Variants in FREM3 observed in about 807,000 individuals in gnomAD.
FREM3 encodes the protein FRAS1-related extracellular matrix protein 3.
In FREM3, 105 loss-of-function variants were observed where a neutral mutation model predicts 129.1. That is an observed-to-expected ratio of 0.81 (90% confidence interval 0.69 to 0.96). The LOEUF (loss-of-function observed/expected upper bound fraction) is 0.96, where lower values mean the gene tolerates loss of function less well. Ranked by LOEUF, FREM3 falls within the 40% of genes least tolerant of loss-of-function variation. The pLI, the probability that FREM3 is intolerant of heterozygous loss-of-function variation, is 0.00. For missense variants in FREM3, 2,593 were observed against 2,666.3 expected, an observed-to-expected ratio of 0.97 and a Z score of 0.61; for synonymous variants, 1,014 against 1,044.9, an observed-to-expected ratio of 0.97 and a Z score of 0.57.
At chr4:143,673,551 G>T (rs904966364) in intron 2 of FREM3, among the ~76,000 whole-genome samples, 1 of 152,230 alleles carries the variant, frequency 6.6e-6, no homozygotes, top group Non-Finnish European at 1.5e-5. Flanking sequence ...GGACCCACTT[G>T]AGGAGGCAGT....
intron 2 of FREM3, among the ~76,000 whole-genome samples, chr4:143,655,957 C>T (rs932389562): frequency 2.6e-5 from 4 of 152,164 alleles, no homozygotes; most frequent in African/African-American, 9.7e-5. Flanking sequence ...CTCCCTAGCT[C>T]ATAGGCATAA....
At position 143,596,634 on chromosome 4, in the gene FREM3, T is replaced by G. The variant is rs560649405; in HGVS notation, c.6029-10641A>C. Among the ~76,000 whole-genome samples, 136 of 152,290 alleles carry G rather than the reference T, an allele frequency of 8.9e-4. 2 individuals are homozygous for G. The highest frequency in any genetic ancestry group is 3.1e-3 in the African/African-American group (129 of 41,564). ...TATTTTGGAAAAACCCTTTCATGCA[T>G]GAATCTAGAGTTCAAAATCAAGCCT... On this transcript the variant is annotated intron_variant, in intron 6 of 7. Transcript: ENST00000329798.
At chr4:143,584,299 C>T (rs925589439) in intron 7 of FREM3, among the ~76,000 whole-genome samples, 27 of 151,844 alleles carry the variant, frequency 1.8e-4, no homozygotes, top group Non-Finnish European at 3.2e-4. Flanking sequence ...GTCCCAGCTA[C>T]TCGGGAGGCT....
At chr4:143,640,924 A>T (rs1739311872) in intron 2 of FREM3, among the ~76,000 whole-genome samples, 1 of 152,186 alleles carries the variant, frequency 6.6e-6, no homozygotes, top group Admixed American at 6.5e-5. Flanking sequence ...TAGCATTCTC[A>T]TGTTCTATAA....
chr4:143,677,732 C>T (rs1185660152), intron 2 of FREM3, among the ~76,000 whole-genome samples: 5 of 152,124 alleles, frequency 3.3e-5, no homozygotes, highest in South Asian at 2.1e-4. Context: ...GGGTGAAGGA[C>T]ATGAACAGAC....
intron 7 of FREM3, among the ~76,000 whole-genome samples, chr4:143,583,103 A>G (rs1180673815): frequency 6.6e-6 from 1 of 151,958 alleles, no homozygotes; most frequent in Non-Finnish European, 1.5e-5. Flanking sequence ...CATTGGACTC[A>G]AGCAATCCAC....
chr4:143,633,117 A>T (rs1319781905), intron 2 of FREM3, among the ~76,000 whole-genome samples: 1 of 152,126 alleles, frequency 6.6e-6, no homozygotes, highest in Non-Finnish European at 1.5e-5. Context: ...CTTGGTTTTC[A>T]TGGGCATTGG....
rs535183460 is a variant in FREM3 at position 143,676,323 on chromosome 4, C to T, written c.5275+16790G>A. Reference sequence around the variant, plus strand: ...TTATCTCAATAGATGCAGAAAAGGCCTTTGACAAAATTCAACAACCCTTCA... The same window carrying T: ...TTATCTCAATAGATGCAGAAAAGGCTTTTGACAAAATTCAACAACCCTTCA... On this transcript the variant is annotated intron_variant, in intron 2 of 7. Coordinates refer to ENST00000329798, the MANE Select transcript of FREM3 (RefSeq NM_001168235.2). 2.5e-3 allele frequency among the ~76,000 whole-genome samples: 382 copies of T among 152,258 alleles called. 3 individuals carry two copies. Among genetic ancestry groups the T allele is most frequent in the African/African-American group, 7.4e-3 (307 of 41,554 alleles).
intron 2 of FREM3, among the ~76,000 whole-genome samples, chr4:143,676,430 A>G (rs1740122857): frequency 1.3e-5 from 2 of 152,198 alleles, no homozygotes; most frequent in African/African-American, 2.4e-5. Flanking sequence ...CTCACAGCCA[A>G]TATCATACTG....
intron 2 of FREM3, among the ~76,000 whole-genome samples, chr4:143,675,146 C>G (rs1740089234): frequency 6.6e-6 from 1 of 152,160 alleles, no homozygotes; most frequent in Non-Finnish European, 1.5e-5. Flanking sequence ...GGAAGTAAAG[C>G]ACTCCTCAGC....
intron 5 of FREM3, among the ~76,000 whole-genome samples, chr4:143,611,997 C>T (rs1264169144): frequency 6.6e-6 from 1 of 152,140 alleles, no homozygotes; most frequent in South Asian, 2.1e-4. Context: ...CTTTGTATGA[C>T]ACCATAATAT....
At chr4:143,632,533 TCCTATCAATCAGTA>T (rs1262943646) in intron 2 of FREM3, among the ~76,000 whole-genome samples, 3 of 152,198 alleles carry the variant, frequency 2.0e-5, no homozygotes, top group African/African-American at 4.8e-5. Flanking sequence ...CCCTTTTTAT[TCCTATCAATCAGTA>T]CCTATCAATC....
intron 2 of FREM3, among the ~76,000 whole-genome samples, chr4:143,652,893 T>G (rs1739537387): frequency 6.6e-6 from 1 of 152,198 alleles, no homozygotes; most frequent in Non-Finnish European, 1.5e-5. Context: ...CCTCCCTAAG[T>G]GCTAGGATTA....
intron 2 of FREM3, among the ~76,000 whole-genome samples, chr4:143,665,321 A>G (rs562534249): frequency 6.6e-6 from 1 of 152,168 alleles, no homozygotes; most frequent in East Asian, 1.9e-4. Flanking sequence ...TTCTCATAGT[A>G]ATTGAAGCTT....
At chr4:143,592,173 G>A (rs1337798674) in intron 6 of FREM3, among the ~76,000 whole-genome samples, 3 of 151,756 alleles carry the variant, frequency 2.0e-5, no homozygotes, top group South Asian at 2.1e-4. Context: ...CAGCACACTG[G>A]TGGGTCTTGA....
intron 5 of FREM3, among the ~76,000 whole-genome samples, chr4:143,618,300 A>C (rs867196920): frequency 8.5e-5 from 13 of 152,186 alleles, no homozygotes; most frequent in Middle Eastern, 3.4e-3. Context: ...GCATGCCTGG[A>C]AAACTCCCTG....
intron 7 of FREM3, among the ~76,000 whole-genome samples, chr4:143,580,905 C>A (rs1465833176): frequency 3.3e-5 from 5 of 152,184 alleles, no homozygotes; most frequent in Non-Finnish European, 7.4e-5. Context: ...CTTCTGCTAC[C>A]TCTTACTGGG....
intron 2 of FREM3, among the ~76,000 whole-genome samples, chr4:143,672,861 C>T (rs756305602): frequency 1.3e-5 from 2 of 152,194 alleles, no homozygotes; most frequent in Non-Finnish European, 2.9e-5. Flanking sequence ...ATCACTGATA[C>T]CCTTTCTTCC....
chr4:143,679,009 A>G (rs1740200418), intron 2 of FREM3, among the ~76,000 whole-genome samples: 2 of 152,190 alleles, frequency 1.3e-5, no homozygotes, highest in African/African-American at 4.8e-5. Flanking sequence ...TTAAGGATAC[A>G]TAACAAGTTC....
Sources: gnomAD v4.1 joint callset for allele counts (sites outside exome capture counted in the v4.1 genomes callset) on GRCh38, gnomAD v4.1.1 for gene constraint, MANE v1.5 for transcripts, NCBI Gene and HGNC (gene_info 2026-07-23, HGNC 2026-07-21) for gene names.